Variants in RERE observed in about 807,000 individuals in gnomAD.
RERE encodes the protein arginine-glutamic acid dipeptide repeats protein.
A neutral mutation model predicts 146.1 loss-of-function variants in RERE; 40 were observed. The ratio of observed to expected loss-of-function variants is 0.27; its 90% CI spans 0.21 to 0.36. The LOEUF (loss-of-function observed/expected upper bound fraction) is 0.36, where lower values mean the gene tolerates loss of function less well. Among genes scored for constraint, RERE ranks in the 10% least tolerant of loss-of-function variants. RERE has a pLI of 1.00. For synonymous variants in RERE, 1,003 were observed against 866.0 expected (o/e 1.16, Z -2.78); for missense variants, 1,933 against 2,138.7 (o/e 0.90, Z 1.90).
chr1:8,461,642 T>C (rs926685523), intron 11 of RERE, among the ~76,000 whole-genome samples: 2 of 152,106 alleles, frequency 1.3e-5, no homozygotes, highest in Non-Finnish European at 2.9e-5. Flanking sequence ...ACACGCACAC[T>C]GTCAGAGAAA....
At chr1:8,632,019 G>A (rs865884986) in intron 2 of RERE, among the ~76,000 whole-genome samples, 4 of 152,050 alleles carry the variant, frequency 2.6e-5, no homozygotes, top group Admixed American at 2.6e-4. Context: ...TCAATTTAAC[G>A]ACTCATCCCC....
At chr1:8,619,794 CAAACA>C (rs1367340001) in intron 3 of RERE, among the ~76,000 whole-genome samples, 5 of 152,140 alleles carry the variant, frequency 3.3e-5, no homozygotes, top group African/African-American at 1.2e-4. Flanking sequence ...TTTTCGTAAA[CAAACA>C]AATCATTTCT....
intron 10 of RERE, among the ~76,000 whole-genome samples, chr1:8,474,006 A>G (rs1644723404): frequency 6.6e-6 from 1 of 152,256 alleles, no homozygotes; most frequent in Admixed American, 6.5e-5. Context: ...TAGCAGAAAG[A>G]AAGGATCATG....
intron 4 of RERE, among the ~76,000 whole-genome samples, chr1:8,566,831 C>T (rs1278011168): frequency 6.6e-6 from 1 of 150,902 alleles, no homozygotes; most frequent in East Asian, 2.0e-4. Context: ...CACTCTGTCA[C>T]CCAGGTTGGA....
At chr1:8,707,561 T>C (rs1191545424) in intron 1 of RERE, among the ~76,000 whole-genome samples, 3 of 151,976 alleles carry the variant, frequency 2.0e-5, no homozygotes, top group Admixed American at 6.6e-5. Flanking sequence ...GTTTAAACAG[T>C]AGCACTCATT....
At chr1:8,559,097 C>T (rs1646040989) in intron 4 of RERE, among the ~76,000 whole-genome samples, 1 of 150,614 alleles carries the variant, frequency 6.6e-6, no homozygotes, top group African/African-American at 2.4e-5. Flanking sequence ...ACCACGCCGG[C>T]CGAAAATGTG....
chr1:8,381,167 A>T, intron 12 of RERE: 1 of 367,174 alleles, frequency 2.7e-6, no homozygotes, highest in South Asian at 2.0e-5. Context: ...CAACTCTCTC[A>T]CTCAGCTGTG....
intron 12 of RERE, among the ~76,000 whole-genome samples, chr1:8,421,295 T>G (rs1301851191): frequency 6.6e-6 from 1 of 152,204 alleles, no homozygotes; most frequent in Non-Finnish European, 1.5e-5. Context: ...ATTTTAATTT[T>G]TAATCATATC....
intron 1 of RERE, among the ~76,000 whole-genome samples, chr1:8,766,049 G>C (rs1258770212): frequency 1.3e-5 from 2 of 152,164 alleles, no homozygotes; most frequent in African/African-American, 4.8e-5. Flanking sequence ...GGAGGCAGAG[G>C]TTGCAGTGAG....
chr1:8,410,234 T>C (rs939814771), intron 12 of RERE, among the ~76,000 whole-genome samples: 4 of 152,126 alleles, frequency 2.6e-5, no homozygotes. Flanking sequence ...GGGACACGGC[T>C]GGGGCCATTG....
intron 12 of RERE, among the ~76,000 whole-genome samples, chr1:8,393,055 G>A (rs1433499151): frequency 6.6e-6 from 1 of 152,160 alleles, no homozygotes; most frequent in Non-Finnish European, 1.5e-5. Context: ...AGAATGTGGT[G>A]GGCTTACTCA....
chr1:8,482,681 CAAAAAA>C (rs35501735), intron 10 of RERE, among the ~76,000 whole-genome samples: 57 of 51,228 alleles, frequency 1.1e-3, no homozygotes, highest in East Asian at 5.4e-3. Flanking sequence ...GATTCTGTTG[CAAAAAA>C]AAAAAAAAAA....
intron 1 of RERE, chr1:8,786,371 T>C: frequency 3.6e-6 from 3 of 839,076 alleles, no homozygotes; most frequent in South Asian, 2.6e-5. Context: ...ATGTCATGAA[T>C]CAGATCCTCC....
intron 6 of RERE, among the ~76,000 whole-genome samples, chr1:8,551,655 A>G (rs952516452): frequency 6.6e-6 from 1 of 152,188 alleles, no homozygotes; most frequent in Non-Finnish European, 1.5e-5. Flanking sequence ...AGTGTACTAC[A>G]CATGTTACTA....
chr1:8,358,907 T>C lies in RERE; in HGVS notation c.3628A>G (p.Ser1210Gly). 6.5e-7 allele frequency: 1 copy of C among 1,528,540 alleles called. No homozygotes were observed. Among genetic ancestry groups the C allele is most frequent in the Non-Finnish European group, 8.8e-7 (1 of 1,139,790 alleles). 94.7% of individuals were successfully genotyped at this position (1,528,540 alleles called of 1,614,324 possible). A position where few individuals can be genotyped will look rare whatever the true frequency, so the allele number is the denominator to read the frequency against. Residue 1210 changes from serine (S) to glycine (G), a missense_variant, in exon 20 of 23, where the codon AGC becomes GGC. Ser to Gly is a moderately conservative substitution (Grantham distance 56). This residue lies in a region of RERE where 1,255 missense variants were observed against 1,153.8 expected (regional missense o/e 1.09). Coordinates refer to ENST00000400908, the MANE Select transcript of RERE (RefSeq NM_001042681.2). The stretch of plus-strand genomic sequence containing the variant: ...CTGAGGCGACCTTCATGCGCTGAGC[T>C]GGACGCCTTCTGCAGAAGGAAAAGA... ...REAERAAKAS[S>G]SAHEGRLSDP...
chr1:8,380,453 A>G (rs2124405414), intron 12 of RERE, among the ~76,000 whole-genome samples: 1 of 151,204 alleles, frequency 6.6e-6, no homozygotes, highest in South Asian at 2.1e-4. Flanking sequence ...GGTTTAAGTG[A>G]TTCTTCTCCC....
chr1:8,525,929 T>G (rs528043980), intron 7 of RERE: 1 of 1,382,544 alleles, frequency 7.2e-7, no homozygotes, highest in Non-Finnish European at 9.3e-7. Context: ...GCTTGTGCTA[T>G]GACCTAAGCC....
At chr1:8,500,535 G>A (rs1330172832) in intron 8 of RERE, among the ~76,000 whole-genome samples, 1 of 152,240 alleles carries the variant, frequency 6.6e-6, no homozygotes, top group Non-Finnish European at 1.5e-5. Flanking sequence ...AGGCTGGAGT[G>A]CAGTGGTGTG....
intron 12 of RERE, among the ~76,000 whole-genome samples, chr1:8,390,059 A>G (rs552755994): frequency 6.6e-6 from 1 of 152,232 alleles, no homozygotes; most frequent in South Asian, 2.1e-4. Flanking sequence ...TGTTAACATA[A>G]GGAGGTGGGC....
Sources: allele counts gnomAD v4.1 joint callset (sites outside exome capture counted in the v4.1 genomes callset), GRCh38; gene constraint gnomAD v4.1.1; regional missense constraint gnomAD v4.1.1; transcripts MANE v1.5; gene names NCBI Gene and HGNC (gene_info 2026-07-23, HGNC 2026-07-21).